The following TAF2 variants were observed in gnomAD, a reference collection of about 807,000 sequenced individuals.
TAF2 encodes transcription initiation factor TFIID subunit 2.
A neutral mutation model predicts 138.5 loss-of-function variants in TAF2; 61 were observed. The ratio of observed to expected loss-of-function variants is 0.44; its 90% CI spans 0.36 to 0.54. The LOEUF (loss-of-function observed/expected upper bound fraction) is 0.54, where lower values mean the gene tolerates loss of function less well. Among genes scored for constraint, TAF2 ranks in the 20% least tolerant of loss-of-function variants. The probability of loss-of-function intolerance (pLI) is 0.00; values close to 1 mark genes in which losing one functional copy is unlikely to be tolerated. For missense variants in TAF2, 1,090 were observed against 1,427.9 expected (o/e 0.76, Z 3.81); for synonymous variants, 475 against 469.9 (o/e 1.01, Z -0.14).
At chr8:119,764,860 T>C (rs1449528815) in intron 18 of TAF2, among the ~76,000 whole-genome samples, 1 of 151,806 alleles carries the variant, frequency 6.6e-6, no homozygotes, top group Non-Finnish European at 1.5e-5. Flanking sequence ...AAAATTCAAG[T>C]GTAGGGGAAA....
At chr8:119,831,405 G>A (rs1310030751) in intron 2 of TAF2, among the ~76,000 whole-genome samples, 1 of 151,976 alleles carries the variant, frequency 6.6e-6, no homozygotes. Flanking sequence ...AAAATGCTTG[G>A]CTATACAGGC....
chr8:119,789,068 G>A (rs1823236165), intron 12 of TAF2, among the ~76,000 whole-genome samples, 164 bp from the exon 13 acceptor site: 2 of 152,172 alleles, frequency 1.3e-5, no homozygotes, highest in Non-Finnish European at 2.9e-5. Flanking sequence ...AAGTACTTGT[G>A]AAAAATGCTT....
In TAF2 at chr8:119,746,840, C is replaced by T. The variant is rs762315177; in HGVS notation, c.2973G>A (p.Glu991=). ...CCTTTAGATTAAGAACCAACCCAAG[C>T]TCTGGCAAGGGTAAACAGGAAGGTC... ...LSRPSCLPLP[E]LGLVLNLKEK... The change falls in exon 23 of 26, where the codon GAG becomes GAA. Residue 991 remains glutamate (E), a synonymous_variant. Coordinates refer to ENST00000378164, the MANE Select transcript of TAF2 (RefSeq NM_003184.4). 4.3e-6 allele frequency: 7 copies of T among 1,614,092 alleles called. No individual in the cohort carries two copies. The South Asian group carries it at 6.6e-5, about 15-fold the overall frequency.
At chr8:119,820,113 T>A (rs1825728260) in intron 2 of TAF2, among the ~76,000 whole-genome samples, 1 of 152,204 alleles carries the variant, frequency 6.6e-6, no homozygotes, top group Admixed American at 6.5e-5. Flanking sequence ...GTTAGCTGTA[T>A]GGTAGCAATG....
chr8:119,805,711 A>C (rs1266321275), intron 4 of TAF2, among the ~76,000 whole-genome samples: 1 of 152,112 alleles, frequency 6.6e-6, no homozygotes, highest in Admixed American at 6.5e-5. Context: ...GTCTCAAAAA[A>C]AACAAAAAAA....
intron 18 of TAF2, among the ~76,000 whole-genome samples, chr8:119,771,962 T>C (rs946759748): frequency 2.6e-5 from 4 of 151,846 alleles, no homozygotes; most frequent in African/African-American, 9.7e-5. Context: ...CTCAATAAAT[T>C]AAAAAAAATC....
chr8:119,750,082 C>A (rs1820245743), intron 22 of TAF2, among the ~76,000 whole-genome samples: 1 of 152,184 alleles, frequency 6.6e-6, no homozygotes, highest in South Asian at 2.1e-4. Context: ...TCTGAGGTAA[C>A]TGCTATTAAA....
chr8:119,792,740 G>C (rs1049593574), intron 10 of TAF2, among the ~76,000 whole-genome samples: 3 of 152,070 alleles, frequency 2.0e-5, no homozygotes, highest in African/African-American at 4.8e-5. Context: ...TCATAGAAAG[G>C]CTCCAGGTTG....
At chr8:119,798,950 AG>A (rs1489452802) in intron 6 of TAF2, among the ~76,000 whole-genome samples, 7 of 152,136 alleles carry the variant, frequency 4.6e-5, no homozygotes, top group Admixed American at 6.5e-5. Context: ...CACCAAAAAA[AG>A]GACTAATTTT....
In TAF2 at chr8:119,797,070, A is replaced by AGTCAAAGGTGTCTTCTAGTCAAAGG. The variant is rs1387675998; in HGVS notation, c.1010_1011insCCTTTGACTAGAAGACACCTTTGAC (p.Glu338LeufsTer2). 1 of 1,613,294 alleles carries AGTCAAAGGTGTCTTCTAGTCAAAGG rather than the reference A, an allele frequency of 6.2e-7. No homozygotes were observed. ...AACACCTTCTAGTCAAAGGTGTCTC[A>AGTCAAAGGTGTCTTCTAGTCAAAGG]TCTATAATCATGGCACTGTGTAAAA... is the stretch of plus-strand genomic sequence containing the variant. On this transcript the variant is annotated stop_gained and frameshift_variant, in exon 8 of 26. Coordinates refer to ENST00000378164, the MANE Select transcript of TAF2 (RefSeq NM_003184.4). LOFTEE classifies it high-confidence loss of function.
At chr8:119,744,689 C>G in intron 23 of TAF2, 1 of 432,316 alleles carries the variant, frequency 2.3e-6, no homozygotes, top group Admixed American at 3.5e-5. Context: ...GTTCCTCCCC[C>G]AAACAGAGAA....
intron 8 of TAF2, among the ~76,000 whole-genome samples, chr8:119,796,374 C>G (rs1048724878): frequency 6.6e-6 from 1 of 152,032 alleles, no homozygotes; most frequent in Admixed American, 6.6e-5. Flanking sequence ...CAATTATAAT[C>G]TTAATTTTTC....
chr8:119,769,761 T>G (rs1040850690), intron 18 of TAF2, among the ~76,000 whole-genome samples: 1 of 150,876 alleles, frequency 6.6e-6, no homozygotes, highest in African/African-American at 2.4e-5. Context: ...CAGTCAGAAC[T>G]GTTTTTTTTT....
At position 119,795,614 on chromosome 8, in the gene TAF2, A is replaced by G. The variant is rs1823769120; in HGVS notation, c.1109T>C (p.Leu370Pro). 5.6e-6 allele frequency: 9 copies of G among 1,613,664 alleles called. No homozygotes were observed. The highest frequency in any genetic ancestry group is 1.7e-5 in the Admixed American group (1 of 59,994). The change falls in exon 9 of 26, where the codon CTG (leucine) becomes CCG (proline). Residue 370 changes from leucine to proline, a missense_variant. Physicochemically the swap from Leu to Pro is moderately conservative, Grantham distance 98 (BLOSUM62 -3). Around this residue, in one of 3 missense-constraint regions of TAF2, gnomAD observed 504 missense variants for 680.9 expected, o/e 0.74. Transcript: ENST00000378164. ...ATAGATATAGCCTGAAATTCCCTTCAGCACCCATTCATCAGACCTAAGCAA... is the reference window on the plus strand; with the variant it reads ...ATAGATATAGCCTGAAATTCCCTTCGGCACCCATTCATCAGACCTAAGCAA... ...SRMSWSDEWV[L>P]KGISGYIYGL...
chr8:119,758,108 A>T lies in TAF2; in HGVS notation c.2733T>A (p.Leu911=). 1 of 1,613,316 alleles carries T rather than the reference A, an allele frequency of 6.2e-7. No homozygotes were observed. Among genetic ancestry groups the T allele is most frequent in the Non-Finnish European group, 8.5e-7 (1 of 1,179,676 alleles). The change falls in exon 21 of 26, where the codon CTT becomes CTA. Residue 911 remains leucine (L), a synonymous_variant. Coordinates refer to ENST00000378164, the MANE Select transcript of TAF2 (RefSeq NM_003184.4). ...DRSYEELQWL[L]NMIQNDPVPY... Reference sequence around the variant, plus strand: ...GTACAGGGTCATTCTGAATCATATTAAGTAGCCATTGCAGTTCTTCATAAC... The same window carrying T: ...GTACAGGGTCATTCTGAATCATATTTAGTAGCCATTGCAGTTCTTCATAAC...
At chr8:119,827,564 A>T (rs1044301860) in intron 2 of TAF2, among the ~76,000 whole-genome samples, 1 of 152,200 alleles carries the variant, frequency 6.6e-6, no homozygotes, top group Non-Finnish European at 1.5e-5. Context: ...AGTAGATGGC[A>T]TGATCAATTG....
chr8:119,792,888 TCTTGAACTTCCCAGC>T (rs1280960098), intron 10 of TAF2, among the ~76,000 whole-genome samples: 6 of 152,120 alleles, frequency 3.9e-5, no homozygotes, highest in Non-Finnish European at 8.8e-5. Context: ...AGTGCCTCAG[TCTTGAACTTCCCAGC>T]CTCCAGAACA....
rs7009275 is a variant in TAF2, at chr8:119,820,805, T to C, written c.139-1299A>G. ...CACTTAAATTAGAACAATCAGCACA[T>C]ATCTGTGAGCTAGAAACACAGAGAA... On this transcript the variant is annotated intron_variant, in intron 2 of 25. Transcript: ENST00000378164. Among the ~76,000 whole-genome samples the C allele has an allele frequency of 9.1e-3, 1,380 of 152,312 alleles. 20 individuals carry two copies. The highest frequency in any genetic ancestry group is 0.032 in the African/African-American group (1,316 of 41,566).
intron 3 of TAF2, among the ~76,000 whole-genome samples, chr8:119,808,970 C>T (rs111655317): frequency 6.6e-6 from 1 of 152,202 alleles, no homozygotes; most frequent in Non-Finnish European, 1.5e-5. Context: ...TAAATGAGCA[C>T]TGGCTTTAAC....
Sources: gnomAD v4.1 joint callset for allele counts (sites outside exome capture counted in the v4.1 genomes callset) on GRCh38, gnomAD v4.1.1 for gene constraint, gnomAD v4.1.1 regional missense constraint, MANE v1.5 for transcripts, NCBI Gene and HGNC (gene_info 2026-07-23, HGNC 2026-07-21) for gene names.